The following TENM4 variants were observed in gnomAD, a reference collection of about 807,000 sequenced individuals.
The protein encoded by TENM4 is teneurin-4.
Under a neutral mutation model 243.3 loss-of-function variants are expected in TENM4, and 82 were observed. The ratio of observed to expected loss-of-function variants is 0.34; its 90% CI spans 0.28 to 0.40. TENM4 has a LOEUF of 0.40. TENM4 is among the 10% of genes least tolerant of loss of function. TENM4 has a pLI of 1.00. For missense variants in TENM4, 3,138 were observed against 3,673.3 expected, an observed-to-expected ratio of 0.85 and a Z score of 3.77; for synonymous variants, 1,412 against 1,456.3, an observed-to-expected ratio of 0.97 and a Z score of 0.69.
chr11:79,322,360 A>G (rs1209509372), intron 1 of TENM4, among the ~76,000 whole-genome samples: 2 of 152,116 alleles, frequency 1.3e-5, no homozygotes, highest in Non-Finnish European at 2.9e-5. Flanking sequence ...TAAATTCTTA[A>G]TTTTTGAAAA....
intron 19 of TENM4, among the ~76,000 whole-genome samples, chr11:78,744,094 A>G (rs1013507604): frequency 1.3e-5 from 2 of 152,188 alleles, no homozygotes; most frequent in Non-Finnish European, 2.9e-5. Context: ...ATCTACTACA[A>G]TTTACCTGAA....
At chr11:79,351,193 A>G (rs375562150) in intron 1 of TENM4, among the ~76,000 whole-genome samples, 31 of 152,258 alleles carry the variant, frequency 2.0e-4, no homozygotes, top group African/African-American at 7.2e-4. Flanking sequence ...TTAATTTGCA[A>G]TAGACATGCC....
At chr11:79,017,864 AT>A (rs1253163643) in intron 6 of TENM4, among the ~76,000 whole-genome samples, 1 of 152,160 alleles carries the variant, frequency 6.6e-6, no homozygotes, top group Non-Finnish European at 1.5e-5. Context: ...CTTGATTCTA[AT>A]GCTCTACTGT....
intron 2 of TENM4, among the ~76,000 whole-genome samples, chr11:79,226,657 C>T (rs1864271993): frequency 1.3e-5 from 2 of 152,172 alleles, no homozygotes; most frequent in Admixed American, 1.3e-4. Context: ...TAGCTCTTCT[C>T]TGAAGGACTA....
At chr11:79,076,751 CTG>C (rs1860545081) in intron 4 of TENM4, among the ~76,000 whole-genome samples, 1 of 152,072 alleles carries the variant, frequency 6.6e-6, no homozygotes, top group Admixed American at 6.5e-5. Context: ...CAGGGGATCA[CTG>C]AAGACAGGAA....
intron 1 of TENM4, among the ~76,000 whole-genome samples, chr11:79,431,264 C>T (rs1859163204): frequency 6.6e-6 from 1 of 152,160 alleles, no homozygotes; most frequent in South Asian, 2.1e-4. Flanking sequence ...TTTATCATGG[C>T]ATTTTCCCTT....
intron 6 of TENM4, 39 bp from the exon 7 acceptor site, chr11:78,903,562 G>A (rs893620715): frequency 5.5e-5 from 85 of 1,540,652 alleles, no homozygotes; most frequent in Admixed American, 1.4e-4. Context: ...GGTGAGCTTG[G>A]TGCTGCCCCT....
intron 2 of TENM4, among the ~76,000 whole-genome samples, chr11:79,233,004 C>A (rs569097475): frequency 6.6e-6 from 1 of 152,310 alleles, no homozygotes; most frequent in South Asian, 2.1e-4. Context: ...AGGAACCACC[C>A]TTCCCTCTAG....
chr11:79,171,582 G>A (rs1863041248), intron 3 of TENM4, among the ~76,000 whole-genome samples: 1 of 152,162 alleles, frequency 6.6e-6, no homozygotes, highest in Non-Finnish European at 1.5e-5. Flanking sequence ...TAACAACTGG[G>A]GAAGGAGAGA....
chr11:79,102,706 CTG>C (rs1011374683), intron 4 of TENM4, among the ~76,000 whole-genome samples: 1 of 152,234 alleles, frequency 6.6e-6, no homozygotes, highest in African/African-American at 2.4e-5. Flanking sequence ...CAAAGCAACT[CTG>C]TCCAAAAAGG....
At chr11:79,416,071 T>C (rs1056171864) in intron 1 of TENM4, among the ~76,000 whole-genome samples, 3 of 152,242 alleles carry the variant, frequency 2.0e-5, no homozygotes, top group African/African-American at 7.2e-5. Flanking sequence ...ATCAAGAATT[T>C]ATTCCTTTTT....
At chr11:78,851,372 G>T (rs899284518) in intron 12 of TENM4, among the ~76,000 whole-genome samples, 1 of 152,178 alleles carries the variant, frequency 6.6e-6, no homozygotes. Flanking sequence ...AAAGAAGACC[G>T]TCTCCCTAAT....
At chr11:78,748,311 T>G (rs1406493127) in intron 19 of TENM4, among the ~76,000 whole-genome samples, 1 of 152,152 alleles carries the variant, frequency 6.6e-6, no homozygotes, top group African/African-American at 2.4e-5. Flanking sequence ...ATTTTCATAG[T>G]GTAGAGGAGG....
chr11:78,744,248 G>A (rs1855996004), intron 19 of TENM4, among the ~76,000 whole-genome samples: 1 of 152,196 alleles, frequency 6.6e-6, no homozygotes, highest in Admixed American at 6.5e-5. Flanking sequence ...CCAGCCACCA[G>A]GCTGATCTGT....
At chr11:79,027,880 C>T (rs1174590515) in intron 6 of TENM4, among the ~76,000 whole-genome samples, 1 of 152,104 alleles carries the variant, frequency 6.6e-6, no homozygotes, top group African/African-American at 2.4e-5. Flanking sequence ...TCAATTCAGC[C>T]CCCTAACACG....
chr11:79,035,100 T>C (rs1163960218), intron 6 of TENM4, among the ~76,000 whole-genome samples: 4 of 152,158 alleles, frequency 2.6e-5, no homozygotes, highest in African/African-American at 9.7e-5. Context: ...GACCATAATA[T>C]TGCCTCTGCT....
At position 79,196,516 on chromosome 11, in the gene TENM4, A is replaced by T. The variant is rs751676440; in HGVS notation, c.-163+19292T>A. On this transcript the variant is annotated intron_variant, in intron 3 of 33. Transcript: ENST00000278550. ...TGAAACTGGGGTCCTAACCCGACCT[A>T]TCGGGGTGTTGTGGAGAGTAGTGCC... Among the ~76,000 whole-genome samples the T allele has an allele frequency of 7.2e-5, 11 of 152,194 alleles. 1 individual carries two copies. The East Asian group carries it at 1.6e-3, about 21-fold the overall frequency.
At chr11:79,199,280 T>C (rs931873912) in intron 3 of TENM4, among the ~76,000 whole-genome samples, 2 of 152,222 alleles carry the variant, frequency 1.3e-5, no homozygotes, top group African/African-American at 4.8e-5. Context: ...TTAAATTTGC[T>C]AATTCATGTA....
At chr11:79,421,051 A>C (rs890205979) in intron 1 of TENM4, among the ~76,000 whole-genome samples, 2 of 152,144 alleles carry the variant, frequency 1.3e-5, no homozygotes, top group African/African-American at 2.4e-5. Context: ...GTATTTTTTA[A>C]ATGTGTAAAC....
Sources: gnomAD v4.1 joint callset for allele counts (sites outside exome capture counted in the v4.1 genomes callset) on GRCh38, gnomAD v4.1.1 for gene constraint, MANE v1.5 for transcripts, NCBI Gene and HGNC (gene_info 2026-07-23, HGNC 2026-07-21) for gene names.